Variants in ATIC observed in about 807,000 individuals in gnomAD.
The protein encoded by ATIC is bifunctional purine biosynthesis protein ATIC.
A neutral mutation model predicts 72.5 loss-of-function variants in ATIC; 64 were observed. The ratio of observed to expected loss-of-function variants is 0.88; its 90% confidence interval spans 0.72 to 1.09. The LOEUF (loss-of-function observed/expected upper bound fraction) is 1.09. ATIC is among the 50% of genes least tolerant of loss of function. The pLI, the probability that ATIC is intolerant of heterozygous loss-of-function variation, is 0.00. For synonymous variants in ATIC, 281 were observed against 267.1 expected (o/e 1.05, Z -0.51); for missense variants, 787 against 732.4 (o/e 1.07, Z -0.86).
the ATIC span, among the ~76,000 whole-genome samples, chr2:215,355,784 G>T: frequency 3.9e-5 from 6 of 152,304 alleles, no homozygotes; most frequent in African/African-American, 1.4e-4. Flanking sequence ...TTGCTAGAAG[G>T]CCCCCACATT....
In ATIC at chr2:215,338,857, G is replaced by C. The variant is rs1310624975; in HGVS notation, c.1177G>C (p.Gly393Arg). The C allele has an allele frequency of 6.2e-7, 1 of 1,613,792 alleles. No individual in the cohort carries two copies. ...TCATTTAAGCCAGAAGAGAAATAAT[G>C]GTGTCGTCGACAAGTCATTATTTAG... ...GLHLSQKRNN[G>R]VVDKSLFSNV... is the part of the protein sequence containing the mutation. The change falls in exon 12 of 16, where the codon GGT (glycine) becomes CGT (arginine). Residue 393 changes from glycine (G) to arginine (R), a missense_variant. Coordinates refer to ENST00000236959, the MANE Select transcript of ATIC (RefSeq NM_004044.7).
rs1370071644 is a variant in ATIC, at chr2:215,349,327, T to C, written c.1659+78T>C. Reference sequence around the variant, plus strand: ...GTTTCAGAAATCCTGCTTTTGATTTTTAAAAGGTGTGGCAAAGTGATACAG... The same window carrying C: ...GTTTCAGAAATCCTGCTTTTGATTTCTAAAAGGTGTGGCAAAGTGATACAG... On this transcript the variant is annotated intron_variant, in intron 15 of 15. Transcript: ENST00000236959. 22 of 1,604,470 alleles carry C rather than the reference T, an allele frequency of 1.4e-5. No individual in the cohort carries two copies. The Admixed American group carries it at 3.5e-4, about 26-fold the overall frequency.
chr2:215,321,638 A>G (rs1462210074), intron 4 of ATIC, among the ~76,000 whole-genome samples: 2 of 152,096 alleles, frequency 1.3e-5, no homozygotes, highest in African/African-American at 4.8e-5. Flanking sequence ...ATCCTCATCA[A>G]CGTTACTATC....
At chr2:215,340,808 C>T (rs1380496826) in intron 12 of ATIC, among the ~76,000 whole-genome samples, 1 of 152,130 alleles carries the variant, frequency 6.6e-6, no homozygotes, top group Non-Finnish European at 1.5e-5. Flanking sequence ...TTGTGCTCAG[C>T]CAATTTACCT....
intron 14 of ATIC, among the ~76,000 whole-genome samples, chr2:215,347,964 GTC>G (rs1042537194): frequency 7.2e-5 from 11 of 152,138 alleles, no homozygotes; most frequent in African/African-American, 2.7e-4. Flanking sequence ...TGGGCTGAGA[GTC>G]TGGGGAGGCC....
chr2:215,361,210 T>C, the ATIC span: 2 of 277,762 alleles, frequency 7.2e-6, no homozygotes, highest in South Asian at 9.0e-5. Context: ...CTACTTAAAA[T>C]TTTGGTCATA....
intron 7 of ATIC, among the ~76,000 whole-genome samples, chr2:215,327,636 G>C (rs890692112): frequency 6.6e-6 from 1 of 152,162 alleles, no homozygotes; most frequent in African/African-American, 2.4e-5. Flanking sequence ...TAGGGGCAGG[G>C]ACAGAGGTGA....
chr2:215,325,110 C>G (rs180951754), intron 4 of ATIC, 131 bp from the exon 5 acceptor site: 21 of 713,676 alleles, frequency 2.9e-5, no homozygotes, highest in Non-Finnish European at 4.8e-5. Flanking sequence ...AAATGTCAGG[C>G]TCACAGTTTA....
chr2:215,343,087 T>A (rs1312242002), intron 12 of ATIC, among the ~76,000 whole-genome samples: 23 of 152,214 alleles, frequency 1.5e-4, no homozygotes, highest in Admixed American at 1.5e-3. Flanking sequence ...TTGTACCATT[T>A]TGTATTCCCA....
chr2:215,319,112 C>G (rs529473170), intron 3 of ATIC, among the ~76,000 whole-genome samples: 6 of 152,242 alleles, frequency 3.9e-5, no homozygotes, highest in African/African-American at 1.4e-4. Flanking sequence ...AACACCTGGG[C>G]TCAAGCGATC....
chr2:215,333,205 G>A, intron 8 of ATIC, 145 bp from the exon 9 acceptor site: 1 of 711,006 alleles, frequency 1.4e-6, no homozygotes, highest in Non-Finnish European at 2.5e-6. Flanking sequence ...ATAATTATCT[G>A]GCTAAATAGA....
chr2:215,362,196 T>A, the ATIC span: 1 of 735,570 alleles, frequency 1.4e-6, no homozygotes, highest in South Asian at 1.5e-5. Context: ...ATATAAGCAG[T>A]TAATCACTAA....
the ATIC span, chr2:215,364,700 T>G: frequency 1.6e-6 from 1 of 632,132 alleles, no homozygotes. Flanking sequence ...ATGAATGGCA[T>G]GTAAGGTAGA....
At chr2:215,362,015 T>C in the ATIC span, 5 of 1,614,140 alleles carry the variant, frequency 3.1e-6, no homozygotes, top group Non-Finnish European at 4.2e-6. Context: ...GTTGTAGGAC[T>C]GGCCAGTAGT....
intron 8 of ATIC, 24 bp from the exon 9 acceptor site, chr2:215,333,326 A>G (rs10179873): frequency 0.27 from 433,353 of 1,600,732 alleles, 64,295 homozygotes; most frequent in Non-Finnish European, 0.31. Context: ...TTCTTTGTTT[A>G]TGATTTTACT....
chr2:215,340,918 G>A (rs1188769695), intron 12 of ATIC, among the ~76,000 whole-genome samples: 1 of 152,152 alleles, frequency 6.6e-6, no homozygotes, highest in Non-Finnish European at 1.5e-5. Context: ...ATCTTTGTCT[G>A]TTAGCACTTG....
intron 12 of ATIC, among the ~76,000 whole-genome samples, chr2:215,342,576 C>T (rs1055177991): frequency 1.7e-4 from 26 of 152,322 alleles, no homozygotes; most frequent in African/African-American, 5.8e-4. Flanking sequence ...GATATGGCTT[C>T]CACCCTCTCC....
chr2:215,313,322 C>A (rs944007597), intron 2 of ATIC, among the ~76,000 whole-genome samples: 5 of 152,134 alleles, frequency 3.3e-5, no homozygotes, highest in African/African-American at 9.7e-5. Flanking sequence ...ACCTGCCTTC[C>A]CTTAGAATCT....
chr2:215,337,495 T>C (rs1346301165), intron 11 of ATIC, among the ~76,000 whole-genome samples: 1 of 152,128 alleles, frequency 6.6e-6, no homozygotes, highest in Non-Finnish European at 1.5e-5. Flanking sequence ...CCCTCCCAAG[T>C]ACCTGGGACT....
Sources: gnomAD v4.1 joint callset for allele counts (sites outside exome capture counted in the v4.1 genomes callset) on GRCh38, gnomAD v4.1.1 for gene constraint, MANE v1.5 for transcripts, NCBI Gene and HGNC (gene_info 2026-07-23, HGNC 2026-07-21) for gene names.